Variants in CLCN1 observed in about 807,000 individuals in gnomAD.
CLCN1 encodes the protein chloride channel protein 1.
CLCN1 carries 100 observed loss-of-function variants against 114.5 expected under a neutral mutation model. That is an observed-to-expected ratio of 0.87 (90% confidence interval 0.74 to 1.03). CLCN1 has a LOEUF of 1.03. CLCN1 is among the 50% of genes least tolerant of loss of function. The pLI is 0.00. For missense variants in CLCN1, 1,188 were observed against 1,250.0 expected (o/e 0.95, Z 0.75); for synonymous variants, 485 against 487.1 (o/e 1.00, Z 0.06).
In CLCN1 at chr7:143,350,866, C is replaced by G. The variant is rs748166208; in HGVS notation, c.2595+212C>G. On this transcript the variant is annotated intron_variant, in intron 22 of 22. Transcript: ENST00000343257. The surrounding 1 kb of genome is among the most constrained non-coding windows in gnomAD (Gnocchi z 5.1). Reference sequence around the variant, plus strand: ...GATCTCAGCTCACTGCAACCTCCGCCTCCCGGGTTCAAGTGATTCTCCTGC... The same window carrying G: ...GATCTCAGCTCACTGCAACCTCCGCGTCCCGGGTTCAAGTGATTCTCCTGC... Among the ~76,000 whole-genome samples, 125 of 152,118 alleles carry G rather than the reference C, an allele frequency of 8.2e-4. 1 individual carries two copies. The highest frequency in any genetic ancestry group is 1.4e-3 in the Non-Finnish European group (97 of 67,980).
At chr7:143,335,027 T>C (rs1007499392) in intron 12 of CLCN1, among the ~76,000 whole-genome samples, 3 of 152,204 alleles carry the variant, frequency 2.0e-5, no homozygotes, top group African/African-American at 7.2e-5. Flanking sequence ...AGTCCAATGA[T>C]GATAACTGTA....
rs777799970 is a variant in CLCN1 at position 143,351,866 on chromosome 7, G to A, written c.2868G>A (p.Leu956=). Reference sequence around the variant, plus strand: ...AGGGCGAGTTGGAGGAGCTGGAGCTGGTGGAGAGTCCAGGGCTGGAAGAGG... The same window carrying A: ...AGGGCGAGTTGGAGGAGCTGGAGCTAGTGGAGAGTCCAGGGCTGGAAGAGG... The part of the protein sequence containing the change: ...KVEGELEELE[L]VESPGLEEEL... Residue 956 remains leucine (L), a synonymous_variant, in exon 23 of 23, where the codon CTG becomes CTA. Transcript: ENST00000343257. The A allele has an allele frequency of 1.9e-6, 3 of 1,613,940 alleles. No homozygotes were observed. Among genetic ancestry groups the A allele is most frequent in the Admixed American group, 3.3e-5 (2 of 60,012 alleles).
intron 7 of CLCN1, among the ~76,000 whole-genome samples, chr7:143,328,311 G>C (rs1268775771): frequency 6.6e-6 from 1 of 152,168 alleles, no homozygotes; most frequent in Non-Finnish European, 1.5e-5. Context: ...CAAGGACAAA[G>C]GCTGGGGTTG....
At chr7:143,337,052 A>T (rs577488644) in intron 12 of CLCN1, among the ~76,000 whole-genome samples, 3 of 152,364 alleles carry the variant, frequency 2.0e-5, no homozygotes, top group African/African-American at 7.2e-5. Flanking sequence ...CTATAGCCCT[A>T]TCTGCAGACA....
chr7:143,331,042 C>A, intron 8 of CLCN1, 145 bp downstream of exon 8: 3 of 1,286,240 alleles, frequency 2.3e-6, no homozygotes, highest in Non-Finnish European at 3.4e-6. Flanking sequence ...GGGTGTATGA[C>A]AAAGATATAG....
At chr7:143,340,480 G>T (rs1295141576) in intron 14 of CLCN1, among the ~76,000 whole-genome samples, 1 of 151,912 alleles carries the variant, frequency 6.6e-6, no homozygotes, top group Non-Finnish European at 1.5e-5. Flanking sequence ...TGCTTTCTTG[G>T]TTGCTCTCTC....
At position 143,340,642 on chromosome 7, in the gene CLCN1, C is replaced by T. The variant is rs190419168; in HGVS notation, c.1582+1021C>T. Among the ~76,000 whole-genome samples the T allele has an allele frequency of 6.6e-5, 10 of 152,306 alleles. No individual in the cohort carries two copies. In the East Asian group the frequency reaches 1.9e-3, roughly 29 times the overall value. On this transcript the variant is annotated intron_variant, in intron 14 of 22. Transcript: ENST00000343257. ...CTGCCTCCTGGGCTCAAGTGATTCT[C>T]CTGCCTCAGCCTCCCAAGTAGCTGG...
intron 12 of CLCN1, among the ~76,000 whole-genome samples, chr7:143,338,071 C>T (rs1268181283): frequency 6.6e-6 from 1 of 151,940 alleles, no homozygotes; most frequent in African/African-American, 2.4e-5. Flanking sequence ...GTCTTGATCT[C>T]CTGACCTCGT....
rs181056049 is a variant in CLCN1, at chr7:143,339,067, G to A, written c.1402-186G>A. Among the ~76,000 whole-genome samples the A allele has an allele frequency of 8.5e-5, 13 of 152,292 alleles. No individual in the cohort carries two copies. The highest frequency in any genetic ancestry group is 1.7e-4 in the African/African-American group (7 of 41,558). ...GGAACCTTCTGATAGTATTGTCTTT[G>A]GTGATCTCTTAGCCTGAGAGCTCTA... On this transcript the variant is annotated intron_variant, in intron 12 of 22. Coordinates refer to ENST00000343257, the MANE Select transcript of CLCN1 (RefSeq NM_000083.3). The surrounding 1 kb of genome is among the most constrained non-coding windows in gnomAD (Gnocchi z 4.1).
At chr7:143,323,628 G>T (rs566434933) in intron 6 of CLCN1, 1 of 655,230 alleles carries the variant, frequency 1.5e-6, no homozygotes, top group South Asian at 1.5e-5. Context: ...CCACATGGAG[G>T]TCTGGTCTGT....
At chr7:143,346,305 C>A in intron 18 of CLCN1, 54 bp downstream of exon 18, 2 of 1,236,174 alleles carry the variant, frequency 1.6e-6, no homozygotes, top group South Asian at 1.2e-5. Flanking sequence ...TCTCTCTGGT[C>A]ACTAGGACCT....
chr7:143,332,008 T>C (rs1802736820), intron 10 of CLCN1, among the ~76,000 whole-genome samples: 1 of 152,128 alleles, frequency 6.6e-6, no homozygotes, highest in Non-Finnish European at 1.5e-5. Flanking sequence ...TTTGTATTTT[T>C]AGTAGAGATG....
At chr7:143,317,706 C>G (rs542641702) in intron 1 of CLCN1, among the ~76,000 whole-genome samples, 61 of 152,166 alleles carry the variant, frequency 4.0e-4, no homozygotes, top group African/African-American at 1.3e-3. Context: ...CCTGACCAAC[C>G]CCCAGGAGTA....
rs528823552 is a variant in CLCN1 at position 143,320,726 on chromosome 7, G to A, written c.364G>A (p.Val122Met). The A allele has an allele frequency of 5.6e-6, 9 of 1,613,560 alleles. No homozygotes were observed. The East Asian group carries it at 2.0e-4, about 36-fold the overall frequency. Residue 122 changes from valine to methionine, a missense_variant, in exon 3 of 23, where the codon GTG becomes ATG. Val to Met is a conservative substitution (Grantham distance 21, BLOSUM62 1). Transcript: ENST00000343257. ...ATTAGGGGAAGACGGGATCTTTCTG[G>A]TGCTTCTGGGACTGCTGATGGCTCT... is the stretch of plus-strand genomic sequence containing the variant. ...RKLGEDGIFLVLLGLLMALVS... is the reference protein window; with the variant it reads ...RKLGEDGIFLMLLGLLMALVS...
chr7:143,334,883 G>C (rs551915331), intron 12 of CLCN1, among the ~76,000 whole-genome samples: 11 of 152,246 alleles, frequency 7.2e-5, no homozygotes, highest in African/African-American at 2.6e-4. Flanking sequence ...TTAGGGATTT[G>C]ATTTTTAGAC....
chr7:143,323,859 CA>C (rs1215860945), intron 6 of CLCN1: 1 of 472,882 alleles, frequency 2.1e-6, no homozygotes, highest in Non-Finnish European at 4.4e-6. Flanking sequence ...TCGGCCTGTG[CA>C]GTGGGCGTGG....
intron 3 of CLCN1, 125 bp downstream of exon 3, chr7:143,320,920 G>A: frequency 8.7e-7 from 1 of 1,143,328 alleles, no homozygotes. Context: ...TGCGCAGAGA[G>A]GGATCAGGTG....
At position 143,321,426 on chromosome 7, in the gene CLCN1, C is replaced by A; in HGVS notation, c.495C>A (p.Val165=). 6.2e-7 allele frequency: 1 copy of A among 1,614,186 alleles called. No individual in the cohort carries two copies. Among genetic ancestry groups the A allele is most frequent in the South Asian group, 1.1e-5 (1 of 91,084 alleles). ...PSLPLQFLVW[V]TFPLVLILFS... ...TTCCTCTGCAGTTCCTGGTCTGGGTCACCTTCCCACTAGTCCTCATCCTCT... is the reference window on the plus strand; with the variant it reads ...TTCCTCTGCAGTTCCTGGTCTGGGTAACCTTCCCACTAGTCCTCATCCTCT... Residue 165 remains valine (V), a synonymous_variant, in exon 4 of 23, where the codon GTC becomes GTA. Coordinates refer to ENST00000343257, the MANE Select transcript of CLCN1 (RefSeq NM_000083.3). This position sits in a 1 kb window ranked among gnomAD's most constrained non-coding sequence, Gnocchi z 4.2.
chr7:143,331,019 G>C (rs1448049261), intron 8 of CLCN1, 122 bp downstream of exon 8: 2 of 1,419,676 alleles, frequency 1.4e-6, no homozygotes, highest in East Asian at 4.6e-5. Flanking sequence ...TGTGGGGTGG[G>C]ACCAAGGCCC....
Sources: allele counts gnomAD v4.1 joint callset (sites outside exome capture counted in the v4.1 genomes callset), GRCh38; gene constraint gnomAD v4.1.1; non-coding constraint Gnocchi (gnomAD v3.1); transcripts MANE v1.5; gene names NCBI Gene and HGNC (gene_info 2026-07-23, HGNC 2026-07-21).